PAM: variants seen among roughly 807,000 people sequenced by gnomAD.
PAM encodes the protein peptidyl-glycine alpha-amidating monooxygenase.
Under a neutral mutation model 122.1 loss-of-function variants are expected in PAM, and 72 were observed. The ratio of observed to expected loss-of-function variants is 0.59; its 90% CI spans 0.49 to 0.72. The LOEUF is 0.72. PAM is among the 30% of genes least tolerant of loss of function. PAM has a pLI of 0.00. For synonymous variants in PAM, 389 were observed against 404.4 expected (o/e 0.96, Z 0.46); for missense variants, 1,106 against 1,183.7 (o/e 0.93, Z 0.96).
intron 14 of PAM, among the ~76,000 whole-genome samples, chr5:102,973,706 T>G (rs1766646016): frequency 1.3e-5 from 2 of 152,198 alleles, no homozygotes; most frequent in South Asian, 4.1e-4. Context: ...GGCTTGCACT[T>G]CAATAGGTTT....
chr5:102,856,506 T>A (rs556470737), intron 1 of PAM, among the ~76,000 whole-genome samples: 1 of 152,278 alleles, frequency 6.6e-6, no homozygotes, highest in East Asian at 1.9e-4. Context: ...TCTGTTTTAT[T>A]TTACAGTAAA....
chr5:102,782,227 A>G (rs1473625359), intron 1 of PAM, among the ~76,000 whole-genome samples: 2 of 152,344 alleles, frequency 1.3e-5, no homozygotes, highest in East Asian at 3.9e-4. Flanking sequence ...TTTGCTCTTT[A>G]TAGGATATAA....
Position 103,007,439 on chromosome 5 carries a change from C to G in PAM, c.2015-18C>G, listed in dbSNP as rs750684891. On this transcript the variant is annotated intron_variant, in intron 19 of 25. Coordinates refer to ENST00000438793, the MANE Select transcript of PAM (RefSeq NM_001177306.2). ...GATTTTTAACATTGTGTATCTAAGG[C>G]TTTTTTTTGTTCTGCAGAGTCTTCA... 26 of 1,603,216 alleles carry G rather than the reference C, an allele frequency of 1.6e-5. No homozygotes were observed. In the South Asian group the frequency reaches 2.4e-4, roughly 15 times the overall value.
intron 21 of PAM, among the ~76,000 whole-genome samples, chr5:103,015,310 T>C (rs1287694674): frequency 6.6e-6 from 1 of 152,220 alleles, no homozygotes; most frequent in Admixed American, 6.5e-5. Flanking sequence ...TGTTATGCTA[T>C]GGAGTAGAAC....
intron 1 of PAM, among the ~76,000 whole-genome samples, chr5:102,823,044 C>A (rs1021352989): frequency 2.0e-5 from 3 of 152,020 alleles, no homozygotes; most frequent in African/African-American, 7.2e-5. Context: ...TTTTTTCCCC[C>A]AGTTGAAAAA....
chr5:102,831,693 T>C (rs1230449323), intron 1 of PAM, among the ~76,000 whole-genome samples: 2 of 152,288 alleles, frequency 1.3e-5, no homozygotes, highest in South Asian at 2.1e-4. Flanking sequence ...TGGCTAACAT[T>C]GTTGGCACAC....
rs36068804 is a variant in PAM at position 102,801,772 on chromosome 5, A to ATTTTTTTTTTTT, written c.-374+46437_-374+46448dup. On this transcript the variant is annotated intron_variant, in intron 1 of 25. Transcript: ENST00000438793. ...CTTATTTGTATCCTAGGGAAAAGGT[A>ATTTTTTTTTTTT]TTTTTTTTTTTTTTTTTTTTTTTTG... Among the ~76,000 whole-genome samples, 112 of 98,970 alleles carry ATTTTTTTTTTTT rather than the reference A, an allele frequency of 1.1e-3. 2 individuals carry two copies. The highest frequency in any genetic ancestry group is 4.1e-3 in the African/African-American group (98 of 24,122). The allele number at this position is 98,970 out of a possible 152,430, so 64.9% of individuals were successfully genotyped here. A position where few individuals can be genotyped will look rare whatever the true frequency, so the allele number is the denominator to read the frequency against.
chr5:102,832,221 G>A (rs1486431319), intron 1 of PAM, among the ~76,000 whole-genome samples: 3 of 152,104 alleles, frequency 2.0e-5, no homozygotes, highest in Admixed American at 2.0e-4. Flanking sequence ...CAAAAATAAA[G>A]CTATAATATT....
At chr5:102,911,804 A>G (rs1021393923) in intron 4 of PAM, among the ~76,000 whole-genome samples, 1 of 151,950 alleles carries the variant, frequency 6.6e-6, no homozygotes, top group African/African-American at 2.4e-5. Context: ...CTTGTTTAAC[A>G]GCAGCATATA....
chr5:102,858,557 C>G (rs915843021), intron 1 of PAM, among the ~76,000 whole-genome samples: 10 of 152,166 alleles, frequency 6.6e-5, no homozygotes, highest in Admixed American at 1.3e-4. Flanking sequence ...AATGTTCTTG[C>G]TAAGCAGAGG....
intron 1 of PAM, among the ~76,000 whole-genome samples, chr5:102,818,710 C>T (rs2150294250): frequency 6.6e-6 from 1 of 152,292 alleles, no homozygotes; most frequent in South Asian, 2.1e-4. Flanking sequence ...TGCCACCAGT[C>T]ATGCAAGGTC....
rs141586942 is a variant in PAM, at chr5:102,832,966, A to C, written c.-373-32857A>C. Among the ~76,000 whole-genome samples, 430 of 152,328 alleles carry C rather than the reference A, an allele frequency of 2.8e-3. 1 individual carries two copies. Among genetic ancestry groups the C allele is most frequent in the African/African-American group, 0.01 (418 of 41,586 alleles). On this transcript the variant is annotated intron_variant, in intron 1 of 25. Coordinates refer to ENST00000438793, the MANE Select transcript of PAM (RefSeq NM_001177306.2). ...ACTTCACTTAGACCAGTGTTTTCTT[A>C]TCTGTAAGATGGAGATAATACTGTT...
At chr5:102,835,090 G>A (rs1776605749) in intron 1 of PAM, among the ~76,000 whole-genome samples, 1 of 151,958 alleles carries the variant, frequency 6.6e-6, no homozygotes, top group African/African-American at 2.4e-5. Flanking sequence ...ACAATTTTTA[G>A]TCATTACTGG....
At chr5:103,022,467 C>G (rs1487558096) in intron 23 of PAM, among the ~76,000 whole-genome samples, 1 of 152,070 alleles carries the variant, frequency 6.6e-6, no homozygotes, top group Non-Finnish European at 1.5e-5. Context: ...TGTATATGTG[C>G]ACTCACACAG....
At position 102,949,979 on chromosome 5, in the gene PAM, G is replaced by C; in HGVS notation, c.801+1G>C. 3 of 1,521,028 alleles carry C rather than the reference G, an allele frequency of 2.0e-6. No individual in the cohort carries two copies. Among genetic ancestry groups the C allele is most frequent in the Non-Finnish European group, 2.7e-6 (3 of 1,096,446 alleles). The allele number at this position is 1,521,028 out of a possible 1,614,324, so 94.2% of individuals were successfully genotyped here. On this transcript the variant is annotated splice_donor_variant, in intron 11 of 25. Transcript: ENST00000438793. LOFTEE classifies it high-confidence loss of function. ...ACGGCAGAGCCCTCAGCTGCCACAG[G>C]TGGGTAAAATCTAGTTTAATTTTGA...
At chr5:102,913,463 C>T (rs540095846) in intron 4 of PAM, among the ~76,000 whole-genome samples, 3 of 152,012 alleles carry the variant, frequency 2.0e-5, no homozygotes, top group South Asian at 4.1e-4. Flanking sequence ...CAGTGACTAT[C>T]GTACTGTTGT....
intron 14 of PAM, among the ~76,000 whole-genome samples, chr5:102,966,261 T>C (rs541628038): frequency 1.3e-5 from 2 of 152,116 alleles, no homozygotes; most frequent in Non-Finnish European, 2.9e-5. Context: ...GGAAGCTGAC[T>C]GAATGCTGTT....
At chr5:102,755,519 G>A (rs556176652) in intron 1 of PAM, 171 bp downstream of exon 1, 1 of 138,758 alleles carries the variant, frequency 7.2e-6, no homozygotes, top group East Asian at 2.5e-4. Context: ...GGGGGATGGG[G>A]CGGGGATCCA....
intron 3 of PAM, among the ~76,000 whole-genome samples, chr5:102,887,944 G>A (rs757973786): frequency 3.3e-5 from 5 of 151,744 alleles, no homozygotes; most frequent in Non-Finnish European, 5.9e-5. Flanking sequence ...CCTGTTCCCC[G>A]CATCCTCCAC....
Sources: gnomAD v4.1 joint callset for allele counts (sites outside exome capture counted in the v4.1 genomes callset) on GRCh38, gnomAD v4.1.1 for gene constraint, MANE v1.5 for transcripts, NCBI Gene and HGNC (gene_info 2026-07-23, HGNC 2026-07-21) for gene names.